The following FBXL13 variants were observed in gnomAD, a reference collection of about 807,000 sequenced individuals.
FBXL13 encodes the protein F-box and leucine-rich repeat protein 13.
A neutral mutation model predicts 83.6 loss-of-function variants in FBXL13; 67 were observed. The observed-to-expected ratio is 0.80, with a 90% CI of 0.66 to 0.98. The LOEUF is 0.98. FBXL13 is among the 50% of genes least tolerant of loss of function. The probability of loss-of-function intolerance (pLI) is 0.00; values close to 1 mark genes in which losing one functional copy is unlikely to be tolerated. For synonymous variants in FBXL13, 272 were observed against 299.5 expected (o/e 0.91, Z 0.95); for missense variants, 822 against 866.5 (o/e 0.95, Z 0.64).
At chr7:103,072,974 T>G (rs1456618888) in intron 1 of FBXL13, among the ~76,000 whole-genome samples, 1 of 152,234 alleles carries the variant, frequency 6.6e-6, no homozygotes, top group East Asian at 1.9e-4. Flanking sequence ...ATTTACTGAC[T>G]GCTACTTGAG....
chr7:102,916,967 A>G (rs1257665833), intron 10 of FBXL13, among the ~76,000 whole-genome samples: 1 of 152,066 alleles, frequency 6.6e-6, no homozygotes, highest in Non-Finnish European at 1.5e-5. Context: ...CTAACACCTG[A>G]AGGACTTACT....
chr7:103,053,536 T>C (rs1237504056), intron 2 of FBXL13, among the ~76,000 whole-genome samples: 1 of 152,208 alleles, frequency 6.6e-6, no homozygotes, highest in Non-Finnish European at 1.5e-5. Flanking sequence ...AAGGTCTTTG[T>C]CGTAATATTG....
chr7:102,952,983 C>G (rs1036499128), intron 8 of FBXL13, among the ~76,000 whole-genome samples: 2 of 151,882 alleles, frequency 1.3e-5, no homozygotes, highest in African/African-American at 4.8e-5. Context: ...GACTCCATCT[C>G]AAAACAAACA....
intron 17 of FBXL13, 68 bp from the exon 19 acceptor site, chr7:102,833,042 G>C: frequency 1.3e-6 from 2 of 1,533,528 alleles, no homozygotes; most frequent in Non-Finnish European, 1.8e-6. Flanking sequence ...ACTTATAGTA[G>C]CTTATTAAAT....
At chr7:103,016,978 T>C (rs1462747848) in intron 6 of FBXL13, among the ~76,000 whole-genome samples, 14 of 152,192 alleles carry the variant, frequency 9.2e-5, no homozygotes, top group Non-Finnish European at 2.9e-5. Flanking sequence ...AAGAGAGTAG[T>C]GGTTCTCCCA....
chr7:103,047,143 T>C (rs911149494), intron 2 of FBXL13: 3 of 152,362 alleles, frequency 2.0e-5, no homozygotes, highest in Middle Eastern at 3.4e-3. Context: ...ACGTACCTGA[T>C]AGCCAAGCGT....
At chr7:103,053,712 C>T (rs926100523) in intron 2 of FBXL13, among the ~76,000 whole-genome samples, 2 of 152,168 alleles carry the variant, frequency 1.3e-5, no homozygotes, top group African/African-American at 4.8e-5. Flanking sequence ...GCCTCTCCCT[C>T]AGCTCCTGAG....
intron 17 of FBXL13, among the ~76,000 whole-genome samples, chr7:102,834,298 G>A (rs1801445668): frequency 6.7e-6 from 1 of 149,426 alleles, no homozygotes; most frequent in African/African-American, 2.4e-5. Flanking sequence ...GTAAATGGTA[G>A]TTTACCATTA....
rs573159193 is a variant in FBXL13 at position 103,027,818 on chromosome 7, C to A, written c.218-260G>T. On this transcript the variant is annotated intron_variant, in intron 4 of 19. Coordinates refer to ENST00000313221, the Ensembl canonical transcript of FBXL13. ...GAAATGTCAAGACATGTATCATTTCCTTTTTTTAAACAAGGTTGTTCTTTG... is the reference window on the plus strand; with the variant it reads ...GAAATGTCAAGACATGTATCATTTCATTTTTTTAAACAAGGTTGTTCTTTG... Among the ~76,000 whole-genome samples, 8 of 152,170 alleles carry A rather than the reference C, an allele frequency of 5.3e-5. No homozygotes were observed. The South Asian group carries it at 1.5e-3, about 28-fold the overall frequency.
rs143205059 is a variant in FBXL13, at chr7:102,829,704, C to T, written c.1854+3136G>A. ...ATGAGGTCACAGTACTACTAACTGACCTTCGAGGTGAGGTGGTTGCAAGGA... is the reference window on the plus strand; with the variant it reads ...ATGAGGTCACAGTACTACTAACTGATCTTCGAGGTGAGGTGGTTGCAAGGA... On this transcript the variant is annotated intron_variant, in intron 18 of 19. Transcript: ENST00000313221. Among the ~76,000 whole-genome samples, 696 of 152,208 alleles carry T rather than the reference C, an allele frequency of 4.6e-3. 7 individuals are homozygous for T. Among genetic ancestry groups the T allele is most frequent in the African/African-American group, 0.016 (664 of 41,514 alleles).
chr7:102,963,276 G>A (rs977214939), intron 8 of FBXL13, among the ~76,000 whole-genome samples: 11 of 150,522 alleles, frequency 7.3e-5, no homozygotes, highest in Admixed American at 2.7e-4. Flanking sequence ...AGCCAAGATC[G>A]CACCACTGCA....
intron 9 of FBXL13, among the ~76,000 whole-genome samples, chr7:102,927,963 G>A (rs1043240454): frequency 6.6e-6 from 1 of 152,224 alleles, no homozygotes; most frequent in African/African-American, 2.4e-5. Flanking sequence ...ATGAGATGGG[G>A]CAAGGAAAGG....
In FBXL13 at chr7:103,060,020, TTATATATATA is replaced by T. The variant is rs772728840; in HGVS notation, c.-104-4283_-104-4274del. Among the ~76,000 whole-genome samples, 167 of 50,078 alleles carry T rather than the reference TTATATATATA, an allele frequency of 3.3e-3. 9 individuals are homozygous for T. In the East Asian group the frequency reaches 0.036, roughly 11 times the overall value. The allele number at this position is 50,078 out of a possible 152,430, so 32.9% of individuals were successfully genotyped here. ...CAACAGATAATGATAGCAAGATATT[TTATATATATA>T]TATATATATATATATATATATATAT... On this transcript the variant is annotated intron_variant, in intron 1 of 19. Coordinates refer to ENST00000313221, the Ensembl canonical transcript of FBXL13.
intron 2 of FBXL13, among the ~76,000 whole-genome samples, chr7:103,044,317 G>C (rs1796055807): frequency 6.6e-6 from 1 of 152,154 alleles, no homozygotes; most frequent in Non-Finnish European, 1.5e-5. Context: ...GCAATATGTA[G>C]ACTCTGTATG....
At chr7:102,948,408 T>G (rs1166986351) in intron 8 of FBXL13, among the ~76,000 whole-genome samples, 4 of 152,020 alleles carry the variant, frequency 2.6e-5, no homozygotes. Flanking sequence ...TGCCCTCATC[T>G]GCCTTTTAAG....
chr7:103,072,456 T>G (rs1799060662), intron 1 of FBXL13, among the ~76,000 whole-genome samples: 1 of 152,076 alleles, frequency 6.6e-6, no homozygotes, highest in African/African-American at 2.4e-5. Flanking sequence ...AACAATGCAG[T>G]AAGCTGGTAA....
At chr7:102,933,578 G>A (rs1377355041) in intron 8 of FBXL13, 1 of 177,110 alleles carries the variant, frequency 5.6e-6, no homozygotes, top group African/African-American at 2.4e-5. Flanking sequence ...AGTTAAGCAG[G>A]TAAGAGAGCC....
intron 8 of FBXL13, among the ~76,000 whole-genome samples, chr7:102,938,975 GT>G (rs1223754376): frequency 1.3e-5 from 2 of 152,230 alleles, no homozygotes; most frequent in Non-Finnish European, 2.9e-5. Context: ...TAGGCCTAGT[GT>G]CAGGGTGTTC....
chr7:102,818,622 C>T (rs971740341), intron 19 of FBXL13, among the ~76,000 whole-genome samples: 7 of 152,140 alleles, frequency 4.6e-5, no homozygotes, highest in South Asian at 4.1e-4. Flanking sequence ...AGGGACTGTC[C>T]GAGTTTAAGC....
Sources: gnomAD v4.1 joint callset for allele counts (sites outside exome capture counted in the v4.1 genomes callset) on GRCh38, gnomAD v4.1.1 for gene constraint, MANE v1.5 for transcripts, NCBI Gene and HGNC (gene_info 2026-07-23, HGNC 2026-07-21) for gene names.